The following TTC6 variants were observed in gnomAD, a reference collection of about 807,000 sequenced individuals.
TTC6 encodes tetratricopeptide repeat domain 6.
TTC6 carries 172 observed loss-of-function variants against 210.4 expected under a neutral mutation model. The ratio of observed to expected loss-of-function variants is 0.82; its 90% CI spans 0.72 to 0.93. The LOEUF (loss-of-function observed/expected upper bound fraction) is 0.93, where lower values mean the gene tolerates loss of function less well. TTC6 is among the 40% of genes least tolerant of loss of function. The probability of loss-of-function intolerance (pLI) is 0.00; values close to 1 mark genes in which losing one functional copy is unlikely to be tolerated. For missense variants in TTC6, 2,414 were observed against 2,318.1 expected (o/e 1.04, Z -0.85); for synonymous variants, 804 against 819.6 (o/e 0.98, Z 0.32).
intron 1 of TTC6, among the ~76,000 whole-genome samples, chr14:37,673,403 A>G (rs549160286): frequency 6.6e-5 from 10 of 152,310 alleles, no homozygotes; most frequent in African/African-American, 1.9e-4. Context: ...ACTTTACAGT[A>G]AGTTATCTAA....
chr14:37,745,011 CA>C (rs1281215328), intron 10 of TTC6, among the ~76,000 whole-genome samples: 1 of 151,916 alleles, frequency 6.6e-6, no homozygotes, highest in African/African-American at 2.4e-5. Context: ...CACACACACA[CA>C]CACCCACACA....
At chr14:37,721,114 AT>A (rs1430162234) in intron 6 of TTC6, among the ~76,000 whole-genome samples, 1 of 151,886 alleles carries the variant, frequency 6.6e-6, no homozygotes, top group African/African-American at 2.4e-5. Flanking sequence ...AAGAAAAAAA[AT>A]GTAGCCTCAG....
At chr14:37,687,209 A>G (rs558964246) in intron 3 of TTC6, among the ~76,000 whole-genome samples, 4 of 152,240 alleles carry the variant, frequency 2.6e-5, no homozygotes, top group South Asian at 4.1e-4. Flanking sequence ...TATTGAACTC[A>G]GTGCTGTCTT....
At chr14:37,704,441 A>G (rs2095831574) in intron 5 of TTC6, among the ~76,000 whole-genome samples, 1 of 152,004 alleles carries the variant, frequency 6.6e-6, no homozygotes, top group African/African-American at 2.4e-5. Context: ...TTGTCAAACT[A>G]TGATTGTTAC....
intron 27 of TTC6, among the ~76,000 whole-genome samples, chr14:37,825,764 T>C (rs751457636): frequency 6.6e-6 from 1 of 152,152 alleles, no homozygotes; most frequent in Non-Finnish European, 1.5e-5. Context: ...TATTATTCAA[T>C]ACATATTTAT....
chr14:37,644,297 T>C (rs1370196705), intron 1 of TTC6, among the ~76,000 whole-genome samples: 1 of 152,130 alleles, frequency 6.6e-6, no homozygotes, highest in Non-Finnish European at 1.5e-5. Context: ...AATGTGGTGT[T>C]CCATAGGGCC....
At chr14:37,815,683 A>T (rs1202573537) in intron 25 of TTC6, among the ~76,000 whole-genome samples, 1 of 152,152 alleles carries the variant, frequency 6.6e-6, no homozygotes, top group East Asian at 1.9e-4. Context: ...GTAGTGTGAG[A>T]CAGCTAAATT....
At chr14:37,597,721 GA>G (rs1566828965) in intron 1 of TTC6, among the ~76,000 whole-genome samples, 1 of 152,158 alleles carries the variant, frequency 6.6e-6, no homozygotes, top group Non-Finnish European at 1.5e-5. Flanking sequence ...GGATTTCCAC[GA>G]AAACAGCGCC....
At chr14:37,776,765 A>T (rs553774598) in intron 14 of TTC6, among the ~76,000 whole-genome samples, 1 of 145,128 alleles carries the variant, frequency 6.9e-6, no homozygotes, top group African/African-American at 2.5e-5. Flanking sequence ...GGTGACTATA[A>T]TGTCAGCTAC....
exon 1 of TTC6, chr14:37,622,691 C>G: frequency 6.5e-7 from 1 of 1,535,088 alleles, no homozygotes; most frequent in African/African-American, 1.4e-5. Context: ...GCTCCGTCTC[C>G]GCAGAGGACG....
chr14:37,724,012 C>T (rs1165064195), intron 6 of TTC6, among the ~76,000 whole-genome samples: 1 of 151,026 alleles, frequency 6.6e-6, no homozygotes, highest in Non-Finnish European at 1.5e-5. Context: ...AGAAGAGTTT[C>T]ACATCCCTAA....
At chr14:37,802,334 G>C (rs1011117735) in intron 20 of TTC6, 5 of 152,024 alleles carry the variant, frequency 3.3e-5, no homozygotes, top group African/African-American at 1.2e-4. Flanking sequence ...AAACCACCAT[G>C]GCACGTGTTT....
chr14:37,822,886 A>G (rs1304679740), intron 26 of TTC6, among the ~76,000 whole-genome samples: 2 of 152,188 alleles, frequency 1.3e-5, no homozygotes, highest in East Asian at 3.8e-4. Context: ...TGTAAAATGT[A>G]GATAATTATA....
In TTC6 at chr14:37,822,344, G is replaced by T. The variant is rs1018250064; in HGVS notation, c.4764-1403G>T. Among the ~76,000 whole-genome samples the T allele has an allele frequency of 1.1e-4, 17 of 152,174 alleles. 1 individual carries two copies. The highest frequency in any genetic ancestry group is 1.0e-3 in the Admixed American group (16 of 15,270). On this transcript the variant is annotated intron_variant, in intron 26 of 30. Transcript: ENST00000553443. ...TGGGGCAACTTTCATGAAGGAAGGG[G>T]TAGTTTGGGAATCACTGGTTTAAGA...
chr14:37,761,521 G>A (rs890804452), intron 14 of TTC6, among the ~76,000 whole-genome samples: 2 of 151,984 alleles, frequency 1.3e-5, no homozygotes, highest in African/African-American at 4.8e-5. Context: ...AAATGGAAAT[G>A]TACAGCATAA....
upstream of TTC6, among the ~76,000 whole-genome samples, chr14:37,619,620 G>C (rs567439426): frequency 6.6e-6 from 1 of 152,140 alleles, no homozygotes; most frequent in African/African-American, 2.4e-5. Flanking sequence ...TCAATTTAAT[G>C]CTGCCTTTAT....
intron 1 of TTC6, among the ~76,000 whole-genome samples, chr14:37,634,310 T>G (rs1386882074): frequency 6.6e-6 from 1 of 152,056 alleles, no homozygotes; most frequent in Non-Finnish European, 1.5e-5. Flanking sequence ...CAAAGGAAAT[T>G]TTTAGTACTG....
intron 6 of TTC6, among the ~76,000 whole-genome samples, chr14:37,718,003 C>A (rs1192835647): frequency 3.3e-5 from 5 of 152,166 alleles, no homozygotes; most frequent in Non-Finnish European, 5.9e-5. Context: ...AGTAAGAAGG[C>A]CTACATCAGA....
chr14:37,820,887 T>TCTCCTCCTTCTC (rs2096154055), intron 26 of TTC6, among the ~76,000 whole-genome samples: 1 of 148,972 alleles, frequency 6.7e-6, no homozygotes, highest in South Asian at 2.2e-4. Flanking sequence ...TCCTCCTCCT[T>TCTCCTCCTTCTC]CTCCTCCTTC....
Sources: allele counts gnomAD v4.1 joint callset (sites outside exome capture counted in the v4.1 genomes callset), GRCh38; gene constraint gnomAD v4.1.1; transcripts MANE v1.5; gene names NCBI Gene and HGNC (gene_info 2026-07-23, HGNC 2026-07-21).